EXTL2: variants seen among roughly 807,000 people sequenced by gnomAD.
The protein encoded by EXTL2 is exostosin like glycosyltransferase 2.
Under a neutral mutation model 30.7 loss-of-function variants are expected in EXTL2, and 23 were observed. The observed-to-expected ratio is 0.75, with a 90% confidence interval of 0.54 to 1.06. The LOEUF is 1.06. EXTL2 is among the 50% of genes least tolerant of loss of function. EXTL2 has a pLI of 0.00. For synonymous variants in EXTL2, 123 were observed against 133.8 expected, an observed-to-expected ratio of 0.92 and a Z score of 0.56; for missense variants, 352 against 396.3, an observed-to-expected ratio of 0.89 and a Z score of 0.95.
intron 2 of EXTL2, among the ~76,000 whole-genome samples, chr1:100,878,232 C>G (rs1231074112): frequency 6.6e-6 from 1 of 150,650 alleles, no homozygotes; most frequent in Non-Finnish European, 1.5e-5. Flanking sequence ...TTTTATTTCC[C>G]TTAGTAATAT....
At chr1:100,882,781 A>G (rs1177621274) in intron 2 of EXTL2, among the ~76,000 whole-genome samples, 1 of 152,208 alleles carries the variant, frequency 6.6e-6, no homozygotes, top group East Asian at 1.9e-4. Flanking sequence ...CTGTGATTGC[A>G]TCACTGCACT....
intron 1 of EXTL2, among the ~76,000 whole-genome samples, chr1:100,889,144 T>C (rs970176026): frequency 6.6e-6 from 1 of 152,188 alleles, no homozygotes; most frequent in African/African-American, 2.4e-5. Flanking sequence ...AATTGACTCA[T>C]AGTTCCACAT....
intron 2 of EXTL2, 139 bp downstream of exon 2, chr1:100,888,614 T>C (rs1366486567): frequency 2.4e-6 from 1 of 425,518 alleles, no homozygotes; most frequent in Non-Finnish European, 4.3e-6. Context: ...GATGAAAAAG[T>C]TCCAGAGATC....
At chr1:100,876,683 T>A (rs1649143577) in intron 4 of EXTL2, 111 bp downstream of exon 4, 2 of 670,282 alleles carry the variant, frequency 3.0e-6, no homozygotes, top group Non-Finnish European at 5.1e-6. Flanking sequence ...ATCTTTTAGA[T>A]AAATATTATC....
At chr1:100,876,986 G>A (rs1464384283) in intron 3 of EXTL2, 122 bp from the exon 4 acceptor site, 8 of 629,598 alleles carry the variant, frequency 1.3e-5, no homozygotes, top group Non-Finnish European at 2.0e-5. Context: ...CAATAAATAA[G>A]CAATGTATTC....
rs1648792764 is a variant in EXTL2 at position 100,872,717 on chromosome 1, G to T, written c.*1225C>A. ...AGGAGAAGGAGGAATAAGAGGGAAA[G>T]GAGGAGAAAGAGAAGTTGGTAAACA... is the stretch of plus-strand genomic sequence containing the variant. On this transcript the variant is annotated 3_prime_UTR_variant, in exon 5 of 5. Coordinates refer to ENST00000370114, the MANE Select transcript of EXTL2 (RefSeq NM_001033025.3). The T allele has an allele frequency of 6.6e-6, 1 of 152,310 alleles. No individual in the cohort carries two copies. Among genetic ancestry groups the T allele is most frequent in the Non-Finnish European group, 1.5e-5 (1 of 67,974 alleles). 9.4% of individuals were successfully genotyped at this position (152,310 alleles called of 1,614,324 possible).
intron 1 of EXTL2, among the ~76,000 whole-genome samples, chr1:100,889,917 C>T (rs1049280187): frequency 1.2e-4 from 19 of 152,156 alleles, no homozygotes; most frequent in African/African-American, 4.3e-4. Context: ...TACAAGCTGT[C>T]TGTGGATTTA....
chr1:100,882,562 CTG>C (rs1191032458), intron 2 of EXTL2, among the ~76,000 whole-genome samples: 2 of 152,242 alleles, frequency 1.3e-5, no homozygotes, highest in African/African-American at 4.8e-5. Flanking sequence ...TGGCTCAAAT[CTG>C]TAATCCCAGC....
chr1:100,874,145 C>G lies in EXTL2; in HGVS notation c.790G>C (p.Val264Leu). ...KHIGKTSGIF[V>L]KPVNMDNLEK... ...AAATTGTCCATGTTTACAGGCTTCACAAATATCCCTGAAGTCTTGCCAATA... is the reference window on the plus strand; with the variant it reads ...AAATTGTCCATGTTTACAGGCTTCAGAAATATCCCTGAAGTCTTGCCAATA... The change falls in exon 5 of 5, where the codon GTG becomes CTG. Residue 264 changes from valine (V) to leucine (L), a missense_variant. Val to Leu is a conservative substitution (Grantham distance 32). Transcript: ENST00000370114. 1 of 1,613,014 alleles carries G rather than the reference C, an allele frequency of 6.2e-7. No homozygotes were observed. Among genetic ancestry groups the G allele is most frequent in the Non-Finnish European group, 8.5e-7 (1 of 1,179,492 alleles).
chr1:100,876,978 A>G (rs1468299399), intron 3 of EXTL2, 114 bp from the exon 4 acceptor site: 25 of 660,326 alleles, frequency 3.8e-5, no homozygotes, highest in East Asian at 2.8e-5. Flanking sequence ...TGACCCAACA[A>G]TAAATAAGCA....
chr1:100,890,622 G>A (rs536926471), intron 1 of EXTL2, among the ~76,000 whole-genome samples: 1 of 152,204 alleles, frequency 6.6e-6, no homozygotes, highest in East Asian at 1.9e-4. Context: ...AGATCTCTAG[G>A]GCAGGAGCAA....
At position 100,877,476 on chromosome 1, in the gene EXTL2, C is replaced by A. The variant is rs1649214930; in HGVS notation, c.433G>T (p.Ala145Ser). Residue 145 changes from alanine (A) to serine (S), a missense_variant and splice_region_variant, in exon 3 of 5, where the codon GCA becomes TCA. Ala to Ser is a moderately conservative substitution (Grantham distance 99, BLOSUM62 1). Transcript: ENST00000370114. This position sits in a 1 kb window ranked among gnomAD's most constrained non-coding sequence, Gnocchi z 4.1. ...GGCTGAGAACTACACTGCAACTCAC[C>A]ATTGGTTTCCAGTTCAGGAAAGACC... is the stretch of plus-strand genomic sequence containing the variant. ...LQVFPELETN[A>S]VLMVDDDTLI... The A allele has an allele frequency of 1.6e-5, 25 of 1,583,894 alleles. No individual in the cohort carries two copies. The highest frequency in any genetic ancestry group is 2.1e-5 in the Non-Finnish European group (25 of 1,165,494).
chr1:100,875,600 C>G (rs1209431663), intron 4 of EXTL2, among the ~76,000 whole-genome samples: 1 of 152,002 alleles, frequency 6.6e-6, no homozygotes, highest in East Asian at 1.9e-4. Flanking sequence ...AGATGAATGT[C>G]TACTCGAATC....
In EXTL2 at chr1:100,874,385, A is replaced by G; in HGVS notation, c.550T>C (p.Ser184Pro). The G allele has an allele frequency of 6.8e-6, 11 of 1,608,394 alleles. No homozygotes were observed. The highest frequency in any genetic ancestry group is 8.5e-6 in the Non-Finnish European group (10 of 1,177,368). ...TAACTGTAGATACCTGATGAAGTAGAGACGTGCTTTCTAGGAACAAATCCT... is the reference window on the plus strand; with the variant it reads ...TAACTGTAGATACCTGATGAAGTAGGGACGTGCTTTCTAGGAACAAATCCT... ...IVGFVPRKHV[S>P]TSSGIYSYGS... Residue 184 changes from serine to proline, a missense_variant, in exon 5 of 5, where the codon TCT (serine) becomes CCT (proline). Ser to Pro is a moderately conservative substitution (Grantham distance 74, BLOSUM62 -1). Coordinates refer to ENST00000370114, the MANE Select transcript of EXTL2 (RefSeq NM_001033025.3).
Position 100,877,413 on chromosome 1 carries a change from C to T in EXTL2, c.433+63G>A. 1 of 1,410,018 alleles carries T rather than the reference C, an allele frequency of 7.1e-7. No individual in the cohort carries two copies. Among genetic ancestry groups the T allele is most frequent in the South Asian group, 1.4e-5 (1 of 69,190 alleles). The allele number at this position is 1,410,018 out of a possible 1,614,324, so 87.3% of individuals were successfully genotyped here. ...GGTTAAGCAGAAGGCCAGAAATTCA[C>T]ATGTCTGTCCCAGCTCTGGACAGCG... On this transcript the variant is annotated intron_variant, in intron 3 of 4. Coordinates refer to ENST00000370114, the MANE Select transcript of EXTL2 (RefSeq NM_001033025.3). This position sits in a 1 kb window ranked among gnomAD's most constrained non-coding sequence, Gnocchi z 4.1.
At chr1:100,893,696 C>G (rs891205979) in intron 1 of EXTL2, among the ~76,000 whole-genome samples, 2 of 152,204 alleles carry the variant, frequency 1.3e-5, no homozygotes, top group Non-Finnish European at 2.9e-5. Context: ...CACAGCCTGA[C>G]GTTTTTCACT....
At chr1:100,880,609 T>C (rs1383077377) in intron 2 of EXTL2, among the ~76,000 whole-genome samples, 1 of 152,168 alleles carries the variant, frequency 6.6e-6, no homozygotes, top group Non-Finnish European at 1.5e-5. Context: ...GGACAAATCA[T>C]TACGAATTAA....
chr1:100,887,134 A>G (rs893522496), intron 2 of EXTL2, among the ~76,000 whole-genome samples: 1 of 152,160 alleles, frequency 6.6e-6, no homozygotes, highest in Non-Finnish European at 1.5e-5. Context: ...GATACCAGAG[A>G]TTTTCATTTG....
At chr1:100,876,659 T>C (rs576184056) in intron 4 of EXTL2, 135 bp downstream of exon 4, 26 of 569,818 alleles carry the variant, frequency 4.6e-5, no homozygotes, top group Non-Finnish European at 7.1e-5. Flanking sequence ...GATTAGCCTA[T>C]AACAAATTCA....
Sources: allele counts gnomAD v4.1 joint callset (sites outside exome capture counted in the v4.1 genomes callset), GRCh38; gene constraint gnomAD v4.1.1; non-coding constraint Gnocchi (gnomAD v3.1); transcripts MANE v1.5; gene names NCBI Gene and HGNC (gene_info 2026-07-23, HGNC 2026-07-21).